VWA8: variants seen among roughly 807,000 people sequenced by gnomAD.
VWA8 encodes von Willebrand factor A domain-containing protein 8.
Under a neutral mutation model 241.5 loss-of-function variants are expected in VWA8, and 221 were observed. The ratio of observed to expected loss-of-function variants is 0.91; its 90% CI spans 0.82 to 1.02. The LOEUF is 1.02. VWA8 is among the 50% of genes least tolerant of loss of function. The pLI is 0.00. For missense variants in VWA8, 2,322 were observed against 2,328.7 expected, an observed-to-expected ratio of 1.00 and a Z score of 0.06; for synonymous variants, 852 against 827.1, an observed-to-expected ratio of 1.03 and a Z score of -0.52.
chr13:41,947,521 C>A (rs1029155673), intron 2 of VWA8, among the ~76,000 whole-genome samples: 9 of 152,194 alleles, frequency 5.9e-5, no homozygotes, highest in Non-Finnish European at 1.2e-4. Context: ...TGTCACTTCA[C>A]ATGTCTGACT....
intron 37 of VWA8, among the ~76,000 whole-genome samples, chr13:41,658,488 G>C (rs2044924830): frequency 6.6e-6 from 1 of 152,118 alleles, no homozygotes; most frequent in African/African-American, 2.4e-5. Context: ...ATTTCTGACT[G>C]AACACAGTCA....
At chr13:41,935,748 T>A (rs1285819341) in intron 2 of VWA8, among the ~76,000 whole-genome samples, 2 of 151,706 alleles carry the variant, frequency 1.3e-5, no homozygotes, top group Non-Finnish European at 2.9e-5. Context: ...ATAAAGGTGC[T>A]TCAAATTGTT....
At chr13:41,621,664 T>C (rs1328113359) in intron 37 of VWA8, among the ~76,000 whole-genome samples, 1 of 152,200 alleles carries the variant, frequency 6.6e-6, no homozygotes, top group Non-Finnish European at 1.5e-5. Context: ...CACAATCCAG[T>C]TATTCTGCTG....
At chr13:41,707,353 T>A (rs1231521457) in intron 26 of VWA8, among the ~76,000 whole-genome samples, 1 of 152,172 alleles carries the variant, frequency 6.6e-6, no homozygotes, top group African/African-American at 2.4e-5. Flanking sequence ...AGAAAACACA[T>A]GCAAAAGATT....
At chr13:41,593,064 T>A (rs2044466722) in intron 40 of VWA8, among the ~76,000 whole-genome samples, 1 of 152,224 alleles carries the variant, frequency 6.6e-6, no homozygotes, top group African/African-American at 2.4e-5. Context: ...GTGATAGCAC[T>A]GTCGTTGGAA....
intron 40 of VWA8, among the ~76,000 whole-genome samples, chr13:41,596,442 ACTTAGTGAAATACTTCTTGAAAC>A (rs1040087486): frequency 6.6e-6 from 1 of 152,082 alleles, no homozygotes; most frequent in Admixed American, 6.6e-5. Context: ...ATTTTATGAG[ACTTAGTGAAATACTTCTTGAAAC>A]AGCTCCTACT....
chr13:41,819,056 G>A (rs918667439), intron 15 of VWA8, among the ~76,000 whole-genome samples, 162 bp downstream of exon 15: 4 of 152,192 alleles, frequency 2.6e-5, no homozygotes, highest in Non-Finnish European at 4.4e-5. Context: ...TGAAAAATGT[G>A]AAAGTTTAAG....
chr13:41,876,138 C>A (rs1873888027), intron 9 of VWA8, among the ~76,000 whole-genome samples: 3 of 152,232 alleles, frequency 2.0e-5, no homozygotes, highest in Admixed American at 2.0e-4. Context: ...AGTGTCTCAA[C>A]TGGATTACTA....
intron 35 of VWA8, among the ~76,000 whole-genome samples, chr13:41,681,389 G>T (rs1442003739): frequency 6.6e-6 from 1 of 152,014 alleles, no homozygotes; most frequent in Non-Finnish European, 1.5e-5. Flanking sequence ...TGTCATGAAT[G>T]ATTTTTTTCT....
chr13:41,798,551 T>C (rs1438129524), intron 17 of VWA8, among the ~76,000 whole-genome samples: 1 of 152,198 alleles, frequency 6.6e-6, no homozygotes, highest in Non-Finnish European at 1.5e-5. Flanking sequence ...CTTTTTCCGT[T>C]ATAAGTTTTT....
At position 41,671,026 on chromosome 13, in the gene VWA8, A is replaced by C. The variant is rs1331476986; in HGVS notation, c.4531T>G (p.Trp1511Gly). The C allele has an allele frequency of 1.2e-6, 2 of 1,614,050 alleles. No individual in the cohort carries two copies. Among genetic ancestry groups the C allele is most frequent in the Non-Finnish European group, 1.7e-6 (2 of 1,179,918 alleles). Reference sequence around the variant, plus strand: ...TGCAGACGTTCAAGTCCAGTTTCCCAAAGCCTGATGTGACCTCCCATATCA... The same window carrying C: ...TGCAGACGTTCAAGTCCAGTTTCCCCAAGCCTGATGTGACCTCCCATATCA... Reference protein sequence around the residue: ...TVDMGGHIRLWETGLERLQRS... With the variant: ...TVDMGGHIRLGETGLERLQRS... Residue 1511 changes from tryptophan to glycine, a missense_variant, in exon 37 of 45, where the codon TGG becomes GGG. Trp to Gly is a radical substitution (Grantham distance 184, BLOSUM62 -2). Coordinates refer to ENST00000379310, the MANE Select transcript of VWA8 (RefSeq NM_015058.2).
chr13:41,578,663 T>A (rs1362430021), intron 42 of VWA8, among the ~76,000 whole-genome samples: 1 of 152,164 alleles, frequency 6.6e-6, no homozygotes. Flanking sequence ...CATGCTTCCA[T>A]GGAGGAGCTA....
chr13:41,770,219 G>T (rs79011193), intron 20 of VWA8, among the ~76,000 whole-genome samples: 22,748 of 151,790 alleles, frequency 0.15, 1,838 homozygotes, highest in East Asian at 0.19. Context: ...AGGCCGAGAC[G>T]TGTGGATCAT....
Position 41,701,412 on chromosome 13 carries a change from C to T in VWA8, c.3344G>A (p.Cys1115Tyr). Residue 1115 changes from cysteine (C) to tyrosine (Y), a missense_variant, in exon 28 of 45, where the codon TGT becomes TAT. Transcript: ENST00000379310. ...RIPLDEINII[C>Y]DIATSHENEQ... ...CATACCATGTGATGTAGCAATGTCA[C>T]AGATTATATTAATTTCATCCAATGG... 1 of 1,605,846 alleles carries T rather than the reference C, an allele frequency of 6.2e-7. No homozygotes were observed. The highest frequency in any genetic ancestry group is 1.7e-4 in the Middle Eastern group (1 of 6,020).
intron 8 of VWA8, 116 bp from the exon 9 acceptor site, chr13:41,883,607 G>C (rs1201622539): frequency 2.5e-5 from 17 of 679,708 alleles, no homozygotes; most frequent in Non-Finnish European, 4.2e-5. Context: ...TAGGTGTCTG[G>C]TATTTTCTGT....
chr13:41,932,142 T>A (rs1353431458), intron 2 of VWA8, among the ~76,000 whole-genome samples: 2 of 151,750 alleles, frequency 1.3e-5, no homozygotes, highest in Non-Finnish European at 2.9e-5. Flanking sequence ...TACAGATACT[T>A]CAGATATTAA....
intron 26 of VWA8, among the ~76,000 whole-genome samples, chr13:41,708,194 C>T (rs1421238739): frequency 1.3e-5 from 2 of 151,960 alleles, no homozygotes; most frequent in South Asian, 2.1e-4. Flanking sequence ...CCCGTCTCTA[C>T]CACAAATGCA....
intron 17 of VWA8, among the ~76,000 whole-genome samples, chr13:41,795,776 AC>A (rs1869668965): frequency 6.6e-6 from 1 of 152,126 alleles, no homozygotes; most frequent in Non-Finnish European, 1.5e-5. Context: ...GGGGAATAAC[AC>A]ACACTGGAGC....
chr13:41,923,890 G>C (rs923715217), intron 2 of VWA8, among the ~76,000 whole-genome samples: 3 of 152,018 alleles, frequency 2.0e-5, no homozygotes, highest in Admixed American at 6.6e-5. Context: ...GCAGGGGAAA[G>C]TCTTCCCCTA....
Sources: allele counts gnomAD v4.1 joint callset (sites outside exome capture counted in the v4.1 genomes callset), GRCh38; gene constraint gnomAD v4.1.1; transcripts MANE v1.5; gene names NCBI Gene and HGNC (gene_info 2026-07-23, HGNC 2026-07-21).